The following RIMBP2 variants were observed in gnomAD, a reference collection of about 807,000 sequenced individuals.
The protein encoded by RIMBP2 is RIMS binding protein 2.
Under a neutral mutation model 118.6 loss-of-function variants are expected in RIMBP2, and 48 were observed. The observed-to-expected ratio is 0.40, with a 90% CI of 0.32 to 0.51. RIMBP2 has a LOEUF of 0.51. Ranked by LOEUF, RIMBP2 falls within the 20% of genes least tolerant of loss-of-function variation. The pLI is 0.41. For missense variants in RIMBP2, 1,551 were observed against 1,768.3 expected, an observed-to-expected ratio of 0.88 and a Z score of 2.20; for synonymous variants, 762 against 742.9, an observed-to-expected ratio of 1.03 and a Z score of -0.42.
intron 15 of RIMBP2, chr12:130,425,768 C>T (rs1168432043): frequency 6.6e-6 from 1 of 152,384 alleles, no homozygotes; most frequent in Non-Finnish European, 1.5e-5. Flanking sequence ...CAAAGCGTGC[C>T]CCTGGGTCCT....
At chr12:130,691,976 G>C (rs77703865) in intron 1 of RIMBP2, among the ~76,000 whole-genome samples, 2 of 152,308 alleles carry the variant, frequency 1.3e-5, no homozygotes, top group Admixed American at 1.3e-4. Context: ...TGTGGTCTGC[G>C]GGTGCTGCGA....
chr12:130,610,700 A>C (rs1257723274), intron 2 of RIMBP2, among the ~76,000 whole-genome samples: 1 of 151,094 alleles, frequency 6.6e-6, no homozygotes, highest in Non-Finnish European at 1.5e-5. Context: ...AGCTGGGACT[A>C]CAGGCGCCCG....
At chr12:130,542,321 G>A (rs770958296) in intron 2 of RIMBP2, among the ~76,000 whole-genome samples, 18 of 152,140 alleles carry the variant, frequency 1.2e-4, no homozygotes, top group Non-Finnish European at 2.4e-4. Context: ...ATAGATGGGT[G>A]AGAGGACCCC....
At chr12:130,660,675 G>GC (rs1218610463) in intron 1 of RIMBP2, 1 of 152,104 alleles carries the variant, frequency 6.6e-6, no homozygotes, top group African/African-American at 2.4e-5. Flanking sequence ...CCCTGCCTGC[G>GC]CCCCCACCCC....
chr12:130,551,202 G>T (rs1173938226), intron 2 of RIMBP2, among the ~76,000 whole-genome samples: 1 of 152,220 alleles, frequency 6.6e-6, no homozygotes, highest in East Asian at 1.9e-4. Flanking sequence ...CCCAGATGTG[G>T]AAGTCCAAGC....
intron 4 of RIMBP2, among the ~76,000 whole-genome samples, chr12:130,501,457 C>A (rs1265616569): frequency 6.6e-6 from 1 of 152,202 alleles, no homozygotes; most frequent in African/African-American, 2.4e-5. Context: ...CTGGACCACA[C>A]AGCACTAGCT....
chr12:130,713,211 TAGGAAGGAAGGA>T (rs66952529), intron 1 of RIMBP2, among the ~76,000 whole-genome samples: 7,620 of 97,836 alleles, frequency 0.078, 341 homozygotes, highest in African/African-American at 0.13. Context: ...GGAAGGAAGA[TAGGAAGGAAGGA>T]AGGAAGGAAG....
At chr12:130,559,096 T>A (rs2056608706) in intron 2 of RIMBP2, among the ~76,000 whole-genome samples, 1 of 152,200 alleles carries the variant, frequency 6.6e-6, no homozygotes. Context: ...GATGTTCTGA[T>A]ATATGTTTAT....
At chr12:130,611,750 C>T (rs1235267260) in intron 2 of RIMBP2, among the ~76,000 whole-genome samples, 4 of 152,126 alleles carry the variant, frequency 2.6e-5, no homozygotes, top group Non-Finnish European at 5.9e-5. Flanking sequence ...CTCGGTTGTA[C>T]ACCTGACAAA....
At chr12:130,575,779 C>T (rs1015794637) in intron 2 of RIMBP2, among the ~76,000 whole-genome samples, 3 of 152,222 alleles carry the variant, frequency 2.0e-5, no homozygotes, top group African/African-American at 7.2e-5. Flanking sequence ...TGCCCTGGAG[C>T]CGCTCACATG....
intron 1 of RIMBP2, among the ~76,000 whole-genome samples, chr12:130,679,402 AC>A (rs1306578993): frequency 2.6e-5 from 4 of 152,124 alleles, no homozygotes; most frequent in African/African-American, 9.7e-5. Flanking sequence ...CTAGGAAACA[AC>A]CTCTTTTCTC....
At chr12:130,406,761 C>T (rs2075217893) in intron 20 of RIMBP2, among the ~76,000 whole-genome samples, 2 of 152,198 alleles carry the variant, frequency 1.3e-5, no homozygotes, top group South Asian at 2.1e-4. Context: ...ATTGTTCTGC[C>T]TCAGCCTCCT....
rs1041972092 is a variant in RIMBP2 at position 130,469,337 on chromosome 12, C to G, written c.153+1356G>C. On this transcript the variant is annotated intron_variant, in intron 6 of 22. Coordinates refer to ENST00000690449, the MANE Select transcript of RIMBP2 (RefSeq NM_001393629.1). This position sits in a 1 kb window ranked among gnomAD's most constrained non-coding sequence, Gnocchi z 4.8. ...AGCAGCACGGGGTGACAGGTGACAG[C>G]GGGATCATGGTGGAGCAGTCCCTCA... 6.6e-6 allele frequency among the ~76,000 whole-genome samples: 1 copy of G among 152,122 alleles called. No homozygotes were observed. The highest frequency in any genetic ancestry group is 1.5e-5 in the Non-Finnish European group (1 of 68,036).
intron 4 of RIMBP2, among the ~76,000 whole-genome samples, chr12:130,504,702 G>A (rs138319740): frequency 5.9e-5 from 9 of 152,226 alleles, no homozygotes; most frequent in Admixed American, 1.3e-4. Flanking sequence ...CCGAGACACT[G>A]TGGGATCACT....
intron 10 of RIMBP2, 42 bp downstream of exon 10, chr12:130,445,118 T>C: frequency 1.5e-6 from 2 of 1,347,954 alleles, no homozygotes; most frequent in Non-Finnish European, 1.0e-6. Flanking sequence ...CGGGGTGGAC[T>C]GGCCCAGCCT....
rs532666533 is a variant in RIMBP2, at chr12:130,473,782, A to G, written c.103-3039T>C. On this transcript the variant is annotated intron_variant, in intron 5 of 22. Transcript: ENST00000690449. ...CTGCCTGAAACTAACACAGAGGGTC[A>G]GCTATGACCCACCGCAGCCATCCAC... Among the ~76,000 whole-genome samples, 12 of 152,316 alleles carry G rather than the reference A, an allele frequency of 7.9e-5. No homozygotes were observed. The South Asian group carries it at 2.1e-3, about 26-fold the overall frequency.
chr12:130,707,669 CTGT>C, intron 1 of RIMBP2, among the ~76,000 whole-genome samples: 1 of 152,242 alleles, frequency 6.6e-6, no homozygotes, highest in Non-Finnish European at 1.5e-5. Flanking sequence ...CCTCTGGCTG[CTGT>C]GTGAGAGTGA....
chr12:130,411,362 G>A (rs896012306), intron 19 of RIMBP2, among the ~76,000 whole-genome samples: 11 of 152,022 alleles, frequency 7.2e-5, no homozygotes, highest in South Asian at 2.1e-4. Context: ...TCACCATGTC[G>A]CCCTGGTTAT....
At chr12:130,642,483 C>T (rs1170868537) in intron 1 of RIMBP2, among the ~76,000 whole-genome samples, 1 of 152,148 alleles carries the variant, frequency 6.6e-6, no homozygotes, top group South Asian at 2.1e-4. Context: ...CGGGGTGTCG[C>T]CATGTTGGCC....
Sources: allele counts gnomAD v4.1 joint callset (sites outside exome capture counted in the v4.1 genomes callset), GRCh38; gene constraint gnomAD v4.1.1; non-coding constraint Gnocchi (gnomAD v3.1); transcripts MANE v1.5; gene names NCBI Gene and HGNC (gene_info 2026-07-23, HGNC 2026-07-21).